The following ULBP1 variants were observed in gnomAD, a reference collection of about 807,000 sequenced individuals.
The protein encoded by ULBP1 is UL16 binding protein 1.
In ULBP1, 28 loss-of-function variants were observed where a neutral mutation model predicts 25.3. The ratio of observed to expected loss-of-function variants is 1.10; its 90% CI spans 0.82 to 1.51. The LOEUF is 1.51. ULBP1 is among the 40% of genes most tolerant of loss of function. The pLI is 0.00. For missense variants in ULBP1, 348 were observed against 290.9 expected (o/e 1.20, Z -1.43); for synonymous variants, 129 against 103.0 (o/e 1.25, Z -1.53).
Position 149,968,873 on chromosome 6 carries a change from A to G in ULBP1, c.349+3A>G. Reference sequence around the variant, plus strand: ...AGTGGAGAATTTAATACCCATTGGTAAGTTTAAAATGGCCCAGGGAGCAGA... The same window carrying G: ...AGTGGAGAATTTAATACCCATTGGTGAGTTTAAAATGGCCCAGGGAGCAGA... On this transcript the variant is annotated splice_donor_region_variant and intron_variant, in intron 2 of 4. Coordinates refer to ENST00000229708, the MANE Select transcript of ULBP1 (RefSeq NM_025218.4). 6.2e-7 allele frequency: 1 copy of G among 1,613,202 alleles called. No individual in the cohort carries two copies. Among genetic ancestry groups the G allele is most frequent in the South Asian group, 1.1e-5 (1 of 90,978 alleles).
At position 149,972,263 on chromosome 6, in the gene ULBP1, TC is replaced by T. The variant is rs1200431519; in HGVS notation, c.*920del. Reference sequence around the variant, plus strand: ...TAGAAATGGGCAATGTGGGAAAGACTCCCTATTCGAAAATTAGTGCTGGAAT... The same window carrying T: ...TAGAAATGGGCAATGTGGGAAAGACTCCTATTCGAAAATTAGTGCTGGAAT... On this transcript the variant is annotated 3_prime_UTR_variant, in exon 5 of 5. Coordinates refer to ENST00000229708, the MANE Select transcript of ULBP1 (RefSeq NM_025218.4). 56 of 152,272 alleles carry T rather than the reference TC, an allele frequency of 3.7e-4. No individual in the cohort carries two copies. Among genetic ancestry groups the T allele is most frequent in the African/African-American group, 1.3e-3 (53 of 41,556 alleles). The allele number at this position is 152,272 out of a possible 1,614,324, so 9.4% of individuals were successfully genotyped here. A position where few individuals can be genotyped will look rare whatever the true frequency, so the allele number is the denominator to read the frequency against.
At chr6:149,967,720 G>C (rs536927126) in intron 1 of ULBP1, among the ~76,000 whole-genome samples, 95 of 152,098 alleles carry the variant, frequency 6.2e-4, no homozygotes, top group African/African-American at 2.2e-3. Flanking sequence ...CCTCCTTCCT[G>C]CTGACAGTTG....
At position 149,968,916 on chromosome 6, in the gene ULBP1, G is replaced by C. The variant is rs768906808; in HGVS notation, c.349+46G>C. 38 of 1,576,424 alleles carry C rather than the reference G, an allele frequency of 2.4e-5. No homozygotes were observed. In the East Asian group the frequency reaches 7.8e-4, roughly 33 times the overall value. ...GGAGCAGACACAGTAGTAACTTAGA[G>C]TCATTTATTGATTTCATATGAAAAA... On this transcript the variant is annotated intron_variant, in intron 2 of 4. Transcript: ENST00000229708.
rs770522868 is a variant in ULBP1 at position 149,971,356 on chromosome 6, A to C, written c.*23-13A>C. ...TCTCAGCCACTTAAACCAATGCTTC[A>C]TCTTTTCTCAAGGTGGAAAGTGATA... On this transcript the variant is annotated splice_polypyrimidine_tract_variant and intron_variant, in intron 4 of 4. Transcript: ENST00000229708. 3.5e-5 allele frequency: 34 copies of C among 985,458 alleles called. No homozygotes were observed. Among genetic ancestry groups the C allele is most frequent in the Non-Finnish European group, 4.1e-5 (34 of 829,950 alleles). 61.0% of individuals were successfully genotyped at this position (985,458 alleles called of 1,614,324 possible). A position where few individuals can be genotyped will look rare whatever the true frequency, so the allele number is the denominator to read the frequency against.
chr6:149,970,295 T>C, intron 4 of ULBP1, 148 bp downstream of exon 4: 1 of 1,184,514 alleles, frequency 8.4e-7, no homozygotes, highest in South Asian at 1.7e-5. Context: ...CTGTTGGCAA[T>C]GACCTGGGCA....
Position 149,969,272 on chromosome 6 carries a change from C to A in ULBP1, c.537C>A (p.Thr179=). 3.7e-6 allele frequency: 6 copies of A among 1,614,226 alleles called. No homozygotes were observed. Among genetic ancestry groups the A allele is most frequent in the Non-Finnish European group, 5.1e-6 (6 of 1,180,048 alleles). ...TEKWEKNRDV[T]MFFQKISLGD... The stretch of plus-strand genomic sequence containing the variant: ...AGTGGGAGAAGAACAGGGATGTGAC[C>A]ATGTTCTTCCAGAAGATTTCACTGG... Residue 179 remains threonine (T), a synonymous_variant, in exon 3 of 5, where the codon ACC becomes ACA. Transcript: ENST00000229708.
At chr6:149,968,554 T>C in intron 1 of ULBP1, 53 bp from the exon 2 acceptor site, 2 of 1,565,240 alleles carry the variant, frequency 1.3e-6, no homozygotes, top group South Asian at 2.4e-5. Flanking sequence ...GAGGAGGGGA[T>C]ACAGGTTCCA....
Position 149,973,671 on chromosome 6 carries a change from A to G in ULBP1, c.*2325A>G, listed in dbSNP as rs763068761. ...GATAATTGTATAATAATTATACATG[A>G]AAGTGCCAAAACCCTACAATTAAAC... On this transcript the variant is annotated 3_prime_UTR_variant, in exon 5 of 5. Coordinates refer to ENST00000229708, the MANE Select transcript of ULBP1 (RefSeq NM_025218.4). 2 of 152,242 alleles carry G rather than the reference A, an allele frequency of 1.3e-5. No homozygotes were observed. The highest frequency in any genetic ancestry group is 2.9e-5 in the Non-Finnish European group (2 of 68,030). 9.4% of individuals were successfully genotyped at this position (152,242 alleles called of 1,614,324 possible).
In ULBP1 at chr6:149,964,232, G is replaced by C. The variant is rs537143763; in HGVS notation, c.85+98G>C. The C allele has an allele frequency of 5.1e-6, 7 of 1,359,828 alleles. No individual in the cohort carries two copies. The East Asian group carries it at 7.1e-5, about 14-fold the overall frequency. The allele number at this position is 1,359,828 out of a possible 1,614,324, so 84.2% of individuals were successfully genotyped here. On this transcript the variant is annotated intron_variant, in intron 1 of 4. Coordinates refer to ENST00000229708, the MANE Select transcript of ULBP1 (RefSeq NM_025218.4). ...AGGAGGGGAGGCTTCTGGAAGGACC[G>C]GCGCGATCTCCCTGAACGAACATCG... is the stretch of plus-strand genomic sequence containing the variant.
intron 1 of ULBP1, among the ~76,000 whole-genome samples, chr6:149,965,843 G>A (rs1323570373): frequency 3.3e-5 from 5 of 151,906 alleles, no homozygotes; most frequent in African/African-American, 4.8e-5. Flanking sequence ...CACCACACAG[G>A]CCTCCCTCAC....
rs961331890 is a variant in ULBP1, at chr6:149,963,949, C to T, written c.-101C>T. The T allele has an allele frequency of 3.4e-4, 410 of 1,215,230 alleles. 3 individuals carry two copies. The highest frequency in any genetic ancestry group is 5.4e-5 in the Non-Finnish European group (46 of 852,512). 75.3% of individuals were successfully genotyped at this position (1,215,230 alleles called of 1,614,324 possible). A position where few individuals can be genotyped will look rare whatever the true frequency, so the allele number is the denominator to read the frequency against. On this transcript the variant is annotated 5_prime_UTR_variant, in exon 1 of 5. Transcript: ENST00000229708. ...GCCTAGGATCCCGCCCAGTGTATCC[C>T]TGCGCGCGGCGGGCCGGGCTGGGCA... is the stretch of plus-strand genomic sequence containing the variant.
In ULBP1 at chr6:149,973,265, G is replaced by A. The variant is rs1195339409; in HGVS notation, c.*1919G>A. ...TACTGCATCTTCCCATTGGAAAGTGGCAGCTAAACATTAAATTCGCATGAA... is the reference window on the plus strand; with the variant it reads ...TACTGCATCTTCCCATTGGAAAGTGACAGCTAAACATTAAATTCGCATGAA... On this transcript the variant is annotated 3_prime_UTR_variant, in exon 5 of 5. Coordinates refer to ENST00000229708, the MANE Select transcript of ULBP1 (RefSeq NM_025218.4). 3 of 152,188 alleles carry A rather than the reference G, an allele frequency of 2.0e-5. No homozygotes were observed. Among genetic ancestry groups the A allele is most frequent in the African/African-American group, 7.2e-5 (3 of 41,436 alleles). 9.4% of individuals were successfully genotyped at this position (152,188 alleles called of 1,614,324 possible).
chr6:149,969,479 G>T, intron 3 of ULBP1, 119 bp downstream of exon 3: 1 of 1,426,384 alleles, frequency 7.0e-7, no homozygotes, highest in Non-Finnish European at 9.5e-7. Context: ...CCCTCATGGG[G>T]GGCTCCTCCT....
chr6:149,967,042 G>A (rs1184004142), intron 1 of ULBP1, among the ~76,000 whole-genome samples: 3 of 151,348 alleles, frequency 2.0e-5, no homozygotes, highest in African/African-American at 7.4e-5. Context: ...AGTAGTGACA[G>A]GGGAGGTCAT....
rs138209241 is a variant in ULBP1 at position 149,967,992 on chromosome 6, T to C, written c.86-615T>C. Among the ~76,000 whole-genome samples the C allele has an allele frequency of 8.3e-3, 1,261 of 152,284 alleles. 16 individuals are homozygous for C. Among genetic ancestry groups the C allele is most frequent in the African/African-American group, 0.029 (1,197 of 41,538 alleles). On this transcript the variant is annotated intron_variant, in intron 1 of 4. Transcript: ENST00000229708. ...AACCACTCTGGCATGGGTGCTTCTC[T>C]GAGCCTTTTGATTCTTTCCCTTACA...
rs1017466854 is a variant in ULBP1, at chr6:149,969,169, G to A, written c.434G>A (p.Gly145Glu). Reference protein sequence around the residue: ...GRGSWQFLFNGQKFLLFDSNN... With the variant: ...GRGSWQFLFNEQKFLLFDSNN... ...GGATCTTGGCAGTTCCTCTTCAATG[G>A]ACAGAAGTTCCTCCTCTTTGACTCA... Residue 145 changes from glycine (G) to glutamate (E), a missense_variant, in exon 3 of 5, where the codon GGA (glycine) becomes GAA (glutamate). Coordinates refer to ENST00000229708, the MANE Select transcript of ULBP1 (RefSeq NM_025218.4). 1.2e-6 allele frequency: 2 copies of A among 1,614,216 alleles called. No individual in the cohort carries two copies. Among genetic ancestry groups the A allele is most frequent in the Admixed American group, 3.3e-5 (2 of 60,020 alleles).
rs1424358914 is a variant in ULBP1 at position 149,972,780 on chromosome 6, G to T, written c.*1434G>T. The stretch of plus-strand genomic sequence containing the variant: ...CTCAGTATCACTAATCATCAGATAA[G>T]TGCAAATCAAAACTGCAATGAGTTA... On this transcript the variant is annotated 3_prime_UTR_variant, in exon 5 of 5. Coordinates refer to ENST00000229708, the MANE Select transcript of ULBP1 (RefSeq NM_025218.4). 1 of 152,176 alleles carries T rather than the reference G, an allele frequency of 6.6e-6. No homozygotes were observed. The highest frequency in any genetic ancestry group is 2.4e-5 in the African/African-American group (1 of 41,430). 9.4% of individuals were successfully genotyped at this position (152,176 alleles called of 1,614,324 possible). A position where few individuals can be genotyped will look rare whatever the true frequency, so the allele number is the denominator to read the frequency against.
Position 149,964,099 on chromosome 6 carries a change from A to G in ULBP1, c.50A>G (p.His17Arg). Reference sequence around the variant, plus strand: ...TTCCTTCTGTGCCTCCCGCTTCTGCACCTGCTGTCTGGCTGGTCCCGGGCA... The same window carrying G: ...TTCCTTCTGTGCCTCCCGCTTCTGCGCCTGCTGTCTGGCTGGTCCCGGGCA... ...PAFLLCLPLLHLLSGWSRAGW... is the reference protein window; with the variant it reads ...PAFLLCLPLLRLLSGWSRAGW... The change falls in exon 1 of 5, where the codon CAC becomes CGC. Residue 17 changes from histidine to arginine, a missense_variant. Physicochemically the swap from His to Arg is conservative, Grantham distance 29. Transcript: ENST00000229708. 6.2e-7 allele frequency: 1 copy of G among 1,614,152 alleles called. No individual in the cohort carries two copies. The highest frequency in any genetic ancestry group is 1.1e-5 in the South Asian group (1 of 91,086).
At chr6:149,964,973 C>T (rs1031444749) in intron 1 of ULBP1, among the ~76,000 whole-genome samples, 1 of 148,552 alleles carries the variant, frequency 6.7e-6, no homozygotes, top group Non-Finnish European at 1.5e-5. Flanking sequence ...CCGAACATGC[C>T]CGGCTGAAGG....
Sources: allele counts gnomAD v4.1 joint callset (sites outside exome capture counted in the v4.1 genomes callset), GRCh38; gene constraint gnomAD v4.1.1; transcripts MANE v1.5; gene names NCBI Gene and HGNC (gene_info 2026-07-23, HGNC 2026-07-21).